The following ROBO1 variants were observed in gnomAD, a reference collection of about 807,000 sequenced individuals.
ROBO1 encodes the protein roundabout homolog 1.
Under a neutral mutation model 195.9 loss-of-function variants are expected in ROBO1, and 149 were observed. That is an observed-to-expected ratio of 0.76 (90% confidence interval 0.67 to 0.87). The LOEUF is 0.87. ROBO1 is among the 40% of genes least tolerant of loss of function. The pLI is 0.00. For synonymous variants in ROBO1, 816 were observed against 733.2 expected, an observed-to-expected ratio of 1.11 and a Z score of -1.82; for missense variants, 1,933 against 2,068.3, an observed-to-expected ratio of 0.93 and a Z score of 1.27.
intron 2 of ROBO1, among the ~76,000 whole-genome samples, chr3:79,411,244 A>G (rs1276337112): frequency 1.3e-5 from 2 of 152,156 alleles, no homozygotes; most frequent in Non-Finnish European, 2.9e-5. Flanking sequence ...GAGGCAGGCA[A>G]ACAACAAATT....
intron 1 of ROBO1, among the ~76,000 whole-genome samples, chr3:79,675,980 C>T (rs1327470851): frequency 6.6e-6 from 1 of 151,940 alleles, no homozygotes; most frequent in African/African-American, 2.4e-5. Flanking sequence ...GTCTTTATTT[C>T]CTTATGAAGG....
chr3:79,545,584 A>G lies in ROBO1; in HGVS notation c.88+44240T>C, dbSNP rs73116877. ...ATAACCCTAATGAGTTTTAAGTCCA[A>G]TGCTTTGCAGTATTAAATATGTGAT... On this transcript the variant is annotated intron_variant, in intron 2 of 30. Coordinates refer to ENST00000464233, the MANE Select transcript of ROBO1 (RefSeq NM_002941.4). Among the ~76,000 whole-genome samples, 680 of 152,330 alleles carry G rather than the reference A, an allele frequency of 4.5e-3. 3 individuals are homozygous for G. The highest frequency in any genetic ancestry group is 8.4e-3 in the Non-Finnish European group (568 of 68,020).
intron 4 of ROBO1, among the ~76,000 whole-genome samples, chr3:78,926,265 G>C (rs1386981642): frequency 6.6e-6 from 1 of 152,154 alleles, no homozygotes; most frequent in Non-Finnish European, 1.5e-5. Context: ...TAAAAATTAA[G>C]ACTTTAGAAG....
chr3:78,943,713 T>A (rs1277035847), intron 3 of ROBO1, among the ~76,000 whole-genome samples: 1 of 152,180 alleles, frequency 6.6e-6, no homozygotes, highest in East Asian at 1.9e-4. Context: ...CCCACTGAAC[T>A]TTGCTTCTAA....
At chr3:78,688,459 T>C (rs1240361203) in intron 9 of ROBO1, among the ~76,000 whole-genome samples, 189 bp downstream of exon 9, 1 of 152,162 alleles carries the variant, frequency 6.6e-6, no homozygotes, top group African/African-American at 2.4e-5. Flanking sequence ...GAAAAATGCT[T>C]TCAGAATTCA....
At chr3:78,782,938 G>A (rs2083722304) in intron 4 of ROBO1, among the ~76,000 whole-genome samples, 1 of 152,036 alleles carries the variant, frequency 6.6e-6, no homozygotes, top group African/African-American at 2.4e-5. Context: ...AACTCATTCA[G>A]GTTTTCCATA....
chr3:79,250,401 CA>C (rs1269763870), intron 2 of ROBO1, among the ~76,000 whole-genome samples: 2 of 152,086 alleles, frequency 1.3e-5, no homozygotes, highest in South Asian at 2.1e-4. Flanking sequence ...ACTAATATTT[CA>C]AAAATATGAC....
At chr3:78,866,714 C>T (rs1313572323) in intron 4 of ROBO1, among the ~76,000 whole-genome samples, 2 of 152,138 alleles carry the variant, frequency 1.3e-5, no homozygotes, top group Non-Finnish European at 2.9e-5. Context: ...TTGGGGAATA[C>T]AGACACACCT....
chr3:79,218,078 C>T (rs2082082736), intron 2 of ROBO1, among the ~76,000 whole-genome samples: 1 of 151,624 alleles, frequency 6.6e-6, no homozygotes, highest in African/African-American at 2.4e-5. Flanking sequence ...CAGAAAAATG[C>T]TATGTAGATA....
At chr3:78,886,415 T>C (rs2107320551) in intron 4 of ROBO1, among the ~76,000 whole-genome samples, 1 of 152,138 alleles carries the variant, frequency 6.6e-6, no homozygotes. Context: ...ACCAACGTGG[T>C]GAAACCCATC....
At chr3:79,362,746 A>T (rs928538319) in intron 2 of ROBO1, among the ~76,000 whole-genome samples, 1 of 152,114 alleles carries the variant, frequency 6.6e-6, no homozygotes, top group African/African-American at 2.4e-5. Flanking sequence ...ATTTCTCTTC[A>T]GGGAAAAAAT....
chr3:79,530,123 T>A (rs533418666), intron 2 of ROBO1, among the ~76,000 whole-genome samples: 2 of 152,280 alleles, frequency 1.3e-5, no homozygotes, highest in South Asian at 4.1e-4. Context: ...TAATAACACA[T>A]AATAAAACAT....
chr3:78,930,529 G>A (rs1038347291), intron 4 of ROBO1, among the ~76,000 whole-genome samples: 9 of 152,174 alleles, frequency 5.9e-5, no homozygotes, highest in Admixed American at 5.2e-4. Context: ...GTGATGGGAT[G>A]AAGCATACCA....
At chr3:78,752,089 C>A (rs2082810621) in intron 4 of ROBO1, among the ~76,000 whole-genome samples, 1 of 152,032 alleles carries the variant, frequency 6.6e-6, no homozygotes, top group Non-Finnish European at 1.5e-5. Flanking sequence ...ATAAAGACAA[C>A]TCTATAAATG....
chr3:79,575,596 A>G (rs1943460269), intron 2 of ROBO1, among the ~76,000 whole-genome samples: 1 of 144,796 alleles, frequency 6.9e-6, no homozygotes, highest in South Asian at 2.1e-4. Context: ...ATATATATAT[A>G]TAATTTTCTT....
At chr3:79,584,359 T>A (rs1352754351) in intron 2 of ROBO1, among the ~76,000 whole-genome samples, 1 of 150,302 alleles carries the variant, frequency 6.7e-6, no homozygotes, top group Non-Finnish European at 1.5e-5. Flanking sequence ...CACAAATAAA[T>A]AGGAACTAAG....
At chr3:79,246,177 TATA>T (rs1294382960) in intron 2 of ROBO1, among the ~76,000 whole-genome samples, 2 of 152,154 alleles carry the variant, frequency 1.3e-5, no homozygotes, top group Admixed American at 6.6e-5. Context: ...AGACTTTAGA[TATA>T]ATAACATAAC....
At chr3:79,512,745 C>CTGG (rs1410019796) in intron 2 of ROBO1, 1 of 152,084 alleles carries the variant, frequency 6.6e-6, no homozygotes, top group East Asian at 1.9e-4. Context: ...CAGGGAAAAC[C>CTGG]TGGTGTTAGA....
intron 3 of ROBO1, among the ~76,000 whole-genome samples, chr3:79,089,888 G>T (rs1299952763): frequency 6.7e-6 from 1 of 149,708 alleles, no homozygotes; most frequent in Non-Finnish European, 1.5e-5. Context: ...TACGACAGTT[G>T]TTTGCATTTT....
Sources: gnomAD v4.1 joint callset for allele counts (sites outside exome capture counted in the v4.1 genomes callset) on GRCh38, gnomAD v4.1.1 for gene constraint, MANE v1.5 for transcripts, NCBI Gene and HGNC (gene_info 2026-07-23, HGNC 2026-07-21) for gene names.